Variants in METAP1D observed in about 807,000 individuals in gnomAD.
METAP1D encodes the protein methionine aminopeptidase 1D, mitochondrial.
A neutral mutation model predicts 40.5 loss-of-function variants in METAP1D; 31 were observed. The ratio of observed to expected loss-of-function variants is 0.77; its 90% confidence interval spans 0.58 to 1.03. The LOEUF (loss-of-function observed/expected upper bound fraction) is 1.03. Ranked by LOEUF, METAP1D falls within the 50% of genes least tolerant of loss-of-function variation. METAP1D has a pLI of 0.00. For synonymous variants in METAP1D, 151 were observed against 146.4 expected (o/e 1.03, Z -0.22); for missense variants, 411 against 420.7 (o/e 0.98, Z 0.20).
chr2:171,999,997 C>G lies in METAP1D; in HGVS notation c.28C>G (p.Leu10Val). MAAPSGVHL[L>V]VRRGSHRIFS... The stretch of plus-strand genomic sequence containing the variant: ...GGCGGCGCCCAGTGGCGTCCACCTG[C>G]TCGTCCGCAGAGGTAAGCGCGTGGA... The change falls in exon 1 of 10, where the codon CTC becomes GTC. Residue 10 changes from leucine to valine, a missense_variant. Transcript: ENST00000315796. 7.4e-7 allele frequency: 1 copy of G among 1,343,042 alleles called. No individual in the cohort carries two copies. Among genetic ancestry groups the G allele is most frequent in the Non-Finnish European group, 9.6e-7 (1 of 1,039,022 alleles). The allele number at this position is 1,343,042 out of a possible 1,614,324, so 83.2% of individuals were successfully genotyped here.
At chr2:172,047,862 T>C (rs1377596506) in intron 1 of METAP1D, among the ~76,000 whole-genome samples, 1 of 152,210 alleles carries the variant, frequency 6.6e-6, no homozygotes, top group Non-Finnish European at 1.5e-5. Context: ...TGCACAAATT[T>C]AAGAAGTATT....
rs1690279851 is a variant in METAP1D, at chr2:172,066,317, C to A, written c.540+11C>A. The A allele has an allele frequency of 3.7e-6, 6 of 1,604,918 alleles. No individual in the cohort carries two copies. Among genetic ancestry groups the A allele is most frequent in the Non-Finnish European group, 5.1e-6 (6 of 1,175,680 alleles). ...AACATTGATGTCACAGTGAGTAAAT[C>A]ATATAAAAAATTGTCTTTGATCAAC... On this transcript the variant is annotated intron_variant, in intron 5 of 9. Transcript: ENST00000315796.
chr2:172,024,991 T>C (rs916249338), intron 1 of METAP1D, among the ~76,000 whole-genome samples: 1 of 152,212 alleles, frequency 6.6e-6, no homozygotes, highest in East Asian at 1.9e-4. Context: ...AGTTAATTTA[T>C]CTCCAAACTT....
intron 1 of METAP1D, among the ~76,000 whole-genome samples, chr2:172,034,927 A>G (rs1449996238): frequency 6.6e-6 from 1 of 151,752 alleles, no homozygotes; most frequent in Non-Finnish European, 1.5e-5. Flanking sequence ...ACACATCAAT[A>G]AAGATTTTAA....
chr2:172,016,330 T>A lies in METAP1D; in HGVS notation c.40+16321T>A, dbSNP rs1422870508. ...ATATATATATATATATATATATATA[T>A]AAATAGTCCAGGCGTGGTGACTAAT... On this transcript the variant is annotated intron_variant, in intron 1 of 9. Coordinates refer to ENST00000315796, the MANE Select transcript of METAP1D (RefSeq NM_199227.3). Among the ~76,000 whole-genome samples, 295 of 75,812 alleles carry A rather than the reference T, an allele frequency of 3.9e-3. 1 individual carries two copies. The highest frequency in any genetic ancestry group is 0.013 in the African/African-American group (271 of 20,900). 49.7% of individuals were successfully genotyped at this position (75,812 alleles called of 152,430 possible).
At position 172,080,313 on chromosome 2, in the gene METAP1D, G is replaced by A; in HGVS notation, c.930-15G>A. 1 of 1,614,150 alleles carries A rather than the reference G, an allele frequency of 6.2e-7. No individual in the cohort carries two copies. The highest frequency in any genetic ancestry group is 8.5e-7 in the Non-Finnish European group (1 of 1,180,000). ...GCTTGCGTGCGCGTTCTGACGGCTG[G>A]GTGCTGTGTTACAGGTCGGCGCAGT... On this transcript the variant is annotated splice_polypyrimidine_tract_variant and intron_variant, in intron 9 of 9. Transcript: ENST00000315796.
chr2:172,024,754 G>GTGTGTGTGTGTGTGTGTA (rs1553491370), intron 1 of METAP1D, among the ~76,000 whole-genome samples: 4 of 90,170 alleles, frequency 4.4e-5, no homozygotes, highest in African/African-American at 9.7e-5. Context: ...TAGATTGTGT[G>GTGTGTGTGTGTGTGTGTA]TGTGTGTGTG....
Position 172,042,258 on chromosome 2 carries a change from C to T in METAP1D, c.41-19240C>T, listed in dbSNP as rs13030498. 8.3e-3 allele frequency among the ~76,000 whole-genome samples: 80 copies of T among 9,654 alleles called. 21 individuals carry two copies. The highest frequency in any genetic ancestry group is 0.05 in the East Asian group (3 of 60). 6.3% of individuals were successfully genotyped at this position (9,654 alleles called of 152,430 possible). ...ACATATGTATGTGTACATGTGTACA[C>T]ATATACATATATACATATATACATA... On this transcript the variant is annotated intron_variant, in intron 1 of 9. Transcript: ENST00000315796.
Position 172,070,787 on chromosome 2 carries a change from A to G in METAP1D, c.541-120A>G, listed in dbSNP as rs538203210. 219 of 758,442 alleles carry G rather than the reference A, an allele frequency of 2.9e-4. 1 individual carries two copies. The African/African-American group carries it at 3.7e-3, about 13-fold the overall frequency. 47.0% of individuals were successfully genotyped at this position (758,442 alleles called of 1,614,324 possible). On this transcript the variant is annotated intron_variant, in intron 5 of 9. Transcript: ENST00000315796. Reference sequence around the variant, plus strand: ...TATTTCTTCTTTTTTTGATAGGCAAATGAATAATTCTGGAAGGGTAAAACA... The same window carrying G: ...TATTTCTTCTTTTTTTGATAGGCAAGTGAATAATTCTGGAAGGGTAAAACA...
At position 172,080,152 on chromosome 2, in the gene METAP1D, C is replaced by G. The variant is rs1690666370; in HGVS notation, c.875C>G (p.Pro292Arg). The G allele has an allele frequency of 5.0e-6, 8 of 1,614,202 alleles. No individual in the cohort carries two copies. The highest frequency in any genetic ancestry group is 6.8e-6 in the Non-Finnish European group (8 of 1,180,036). The change falls in exon 9 of 10, where the codon CCT (proline) becomes CGT (arginine). Residue 292 changes from proline to arginine, a missense_variant. Pro to Arg is a moderately radical substitution (Grantham distance 103, BLOSUM62 -2). Coordinates refer to ENST00000315796, the MANE Select transcript of METAP1D (RefSeq NM_199227.3). ...GAGCCAATCATCACGGAGGGATCCC[C>G]TGAATTTAAAGTCCTGGAGGATGCA... ...TIEPIITEGS[P>R]EFKVLEDAWT...
rs1690701956 is a variant in METAP1D, at chr2:172,081,119, C to G, written c.*713C>G. The G allele has an allele frequency of 6.5e-6, 1 of 153,638 alleles. No individual in the cohort carries two copies. The highest frequency in any genetic ancestry group is 1.4e-5 in the Non-Finnish European group (1 of 69,150). The allele number at this position is 153,638 out of a possible 1,614,324, so 9.5% of individuals were successfully genotyped here. A position where few individuals can be genotyped will look rare whatever the true frequency, so the allele number is the denominator to read the frequency against. ...CCCCTGCGGCTCTTCCTCCCCCGCC[C>G]ACATCCAGCCCTCCAAGGCCAGTCC... On this transcript the variant is annotated 3_prime_UTR_variant, in exon 10 of 10. Transcript: ENST00000315796.
In METAP1D at chr2:172,043,703, A is replaced by G. The variant is rs761025341; in HGVS notation, c.41-17795A>G. On this transcript the variant is annotated intron_variant, in intron 1 of 9. Transcript: ENST00000315796. ...GATAGACAAATAACAAGAAATGTAC[A>G]AGGCCTGTATGGAGAAAACATTAGA... is the stretch of plus-strand genomic sequence containing the variant. Among the ~76,000 whole-genome samples the G allele has an allele frequency of 1.7e-4, 23 of 135,042 alleles. 5 individuals carry two copies. The highest frequency in any genetic ancestry group is 3.6e-4 in the Non-Finnish European group (21 of 57,946). The allele number at this position is 135,042 out of a possible 152,430, so 88.6% of individuals were successfully genotyped here. A position where few individuals can be genotyped will look rare whatever the true frequency, so the allele number is the denominator to read the frequency against.
intron 1 of METAP1D, among the ~76,000 whole-genome samples, chr2:172,001,511 C>G (rs1688462001): frequency 6.6e-6 from 1 of 151,606 alleles, no homozygotes; most frequent in African/African-American, 2.4e-5. Context: ...ACACTCTAGC[C>G]TGGGCGACAG....
chr2:172,015,508 A>G lies in METAP1D; in HGVS notation c.40+15499A>G, dbSNP rs190135161. On this transcript the variant is annotated intron_variant, in intron 1 of 9. Transcript: ENST00000315796. ...ATATTAATATTAGCAAAGAACTGGAAATAGTCTAAATGTCCAATAAAATAG... is the reference window on the plus strand; with the variant it reads ...ATATTAATATTAGCAAAGAACTGGAGATAGTCTAAATGTCCAATAAAATAG... Among the ~76,000 whole-genome samples the G allele has an allele frequency of 8.5e-5, 13 of 152,384 alleles. No individual in the cohort carries two copies. In the East Asian group the frequency reaches 1.7e-3, roughly 20 times the overall value.
intron 8 of METAP1D, among the ~76,000 whole-genome samples, chr2:172,079,600 T>C (rs1260402902): frequency 2.6e-5 from 4 of 152,180 alleles, no homozygotes; most frequent in Non-Finnish European, 5.9e-5. Flanking sequence ...GCATGTGCTC[T>C]CTGGTGGCCC....
At position 172,005,520 on chromosome 2, in the gene METAP1D, T is replaced by TTATATATATATATATATATA. The variant is rs34982215; in HGVS notation, c.40+5517_40+5536dup. 5.9e-3 allele frequency among the ~76,000 whole-genome samples: 652 copies of TTATATATATATATATATATA among 110,742 alleles called. 2 individuals are homozygous for TTATATATATATATATATATA. Among genetic ancestry groups the TTATATATATATATATATATA allele is most frequent in the Admixed American group, 0.01 (95 of 9,188 alleles). The allele number at this position is 110,742 out of a possible 152,430, so 72.7% of individuals were successfully genotyped here. A position where few individuals can be genotyped will look rare whatever the true frequency, so the allele number is the denominator to read the frequency against. ...AGTAGTATTCCATGGTGTCTGTATT[T>TTATATATATATATATATATA]TATATATATATATATATATATATAT... On this transcript the variant is annotated intron_variant, in intron 1 of 9. Transcript: ENST00000315796.
At chr2:172,024,594 C>T (rs7578013) in intron 1 of METAP1D, among the ~76,000 whole-genome samples, 24 of 152,096 alleles carry the variant, frequency 1.6e-4, no homozygotes, top group Admixed American at 7.9e-4. Context: ...GGTAACCCCC[C>T]GCTATATACC....
intron 1 of METAP1D, among the ~76,000 whole-genome samples, chr2:172,037,222 G>A (rs751437228): frequency 1.2e-4 from 18 of 151,256 alleles, no homozygotes; most frequent in Non-Finnish European, 2.4e-4. Context: ...AAATCGTGCC[G>A]TTGCACTCCA....
intron 1 of METAP1D, among the ~76,000 whole-genome samples, chr2:172,010,219 C>T (rs1011971268): frequency 6.6e-6 from 1 of 150,722 alleles, no homozygotes; most frequent in Non-Finnish European, 1.5e-5. Flanking sequence ...CAACTCACTG[C>T]AGCCTTGACC....
Sources: allele counts gnomAD v4.1 joint callset (sites outside exome capture counted in the v4.1 genomes callset), GRCh38; gene constraint gnomAD v4.1.1; transcripts MANE v1.5; gene names NCBI Gene and HGNC (gene_info 2026-07-23, HGNC 2026-07-21).